The following ZNF670 variants were observed in gnomAD, a reference collection of about 807,000 sequenced individuals.
ZNF670 encodes zinc finger protein 670.
ZNF670 carries 7 observed loss-of-function variants against 10.9 expected under a neutral mutation model. The observed-to-expected ratio is 0.64, with a 90% CI of 0.36 to 1.20. The LOEUF is 1.20. Among genes scored for constraint, ZNF670 ranks in the 50% most tolerant of loss-of-function variants. The pLI, the probability that ZNF670 is intolerant of heterozygous loss-of-function variation, is 0.02. For missense variants in ZNF670, 446 were observed against 458.6 expected (o/e 0.97, Z 0.25); for synonymous variants, 136 against 152.7 (o/e 0.89, Z 0.81).
rs755187559 is a variant in ZNF670 at position 247,037,856 on chromosome 1, A to T, written c.763T>A (p.Cys255Ser). ...RSHTGEKPYECKECGKAFSRS... is the reference protein window; with the variant it reads ...RSHTGEKPYESKECGKAFSRS... Reference sequence around the variant, plus strand: ...CTGAAGGCTTTGCCACATTCCTTACATTCATAGGGTTTCTCTCCAGTATGA... The same window carrying T: ...CTGAAGGCTTTGCCACATTCCTTACTTTCATAGGGTTTCTCTCCAGTATGA... The change falls in exon 4 of 4, where the codon TGT becomes AGT. Residue 255 changes from cysteine (C) to serine (S), a missense_variant. Physicochemically the swap from Cys to Ser is moderately radical, Grantham distance 112. Transcript: ENST00000366503. 1.2e-6 allele frequency: 2 copies of T among 1,613,486 alleles called. No homozygotes were observed. Among genetic ancestry groups the T allele is most frequent in the Non-Finnish European group, 1.7e-6 (2 of 1,179,874 alleles).
At chr1:247,074,000 G>C (rs776554714) in intron 1 of ZNF670, among the ~76,000 whole-genome samples, 13 of 152,320 alleles carry the variant, frequency 8.5e-5, no homozygotes, top group East Asian at 1.9e-4. Context: ...AGCAGGGGAA[G>C]ATGGGGTGAG....
At chr1:247,067,483 G>A (rs1208272895) in intron 1 of ZNF670, among the ~76,000 whole-genome samples, 1 of 148,680 alleles carries the variant, frequency 6.7e-6, no homozygotes, top group Non-Finnish European at 1.5e-5. Context: ...TGAGTTCACA[G>A]GTAGTTCCCC....
rs1364194015 is a variant in ZNF670, at chr1:247,038,380, T to C, written c.239A>G (p.Tyr80Cys). The C allele has an allele frequency of 1.9e-6, 3 of 1,613,714 alleles. No homozygotes were observed. Among genetic ancestry groups the C allele is most frequent in the East Asian group, 2.2e-5 (1 of 44,882 alleles). ...RLFEIKEGSQ[Y>C]GETFSQDSNL... Reference sequence around the variant, plus strand: ...TGAATCCTGGCTGAAGGTTTCTCCATATTGACTGCCTTCTTTAATTTCAAA... The same window carrying C: ...TGAATCCTGGCTGAAGGTTTCTCCACATTGACTGCCTTCTTTAATTTCAAA... The change falls in exon 4 of 4, where the codon TAT becomes TGT. Residue 80 changes from tyrosine to cysteine, a missense_variant. Physicochemically the swap from Tyr to Cys is radical, Grantham distance 194. Transcript: ENST00000366503.
Position 247,078,758 on chromosome 1 carries a change from A to C in ZNF670, c.-162T>G. On this transcript the variant is annotated 5_prime_UTR_variant, in exon 1 of 4. Coordinates refer to ENST00000366503, the MANE Select transcript of ZNF670 (RefSeq NM_033213.5). Reference sequence around the variant, plus strand: ...GCCACATTCGCGCTGCCCAACACAAAAGCCGCGCCAGGTCCCGGAAGCTGC... The same window carrying C: ...GCCACATTCGCGCTGCCCAACACAACAGCCGCGCCAGGTCCCGGAAGCTGC... The C allele has an allele frequency of 2.3e-5, 16 of 705,274 alleles. No individual in the cohort carries two copies. Among genetic ancestry groups the C allele is most frequent in the South Asian group, 3.9e-5 (2 of 51,772 alleles). 43.7% of individuals were successfully genotyped at this position (705,274 alleles called of 1,614,324 possible). A position where few individuals can be genotyped will look rare whatever the true frequency, so the allele number is the denominator to read the frequency against.
At chr1:247,048,813 C>A (rs1207471406) in intron 1 of ZNF670, among the ~76,000 whole-genome samples, 1 of 152,176 alleles carries the variant, frequency 6.6e-6, no homozygotes. Flanking sequence ...CTCATCAAAC[C>A]ATCAGATTTC....
At chr1:247,054,858 T>C (rs1255803520) in intron 1 of ZNF670, among the ~76,000 whole-genome samples, 2 of 152,170 alleles carry the variant, frequency 1.3e-5, no homozygotes, top group Non-Finnish European at 2.9e-5. Context: ...TTGCAAGCCT[T>C]CTTGTAACCT....
rs1670179434 is a variant in ZNF670, at chr1:247,037,250, A to G, written c.*199T>C. 3.9e-6 allele frequency: 2 copies of G among 517,730 alleles called. No individual in the cohort carries two copies. The highest frequency in any genetic ancestry group is 7.5e-5 in the Admixed American group (2 of 26,500). The allele number at this position is 517,730 out of a possible 1,614,324, so 32.1% of individuals were successfully genotyped here. A position where few individuals can be genotyped will look rare whatever the true frequency, so the allele number is the denominator to read the frequency against. ...TCTAACACATTTTTCGTATTTTATG[A>G]CGTTCTTTCCCAGGACGGGTCCTTC... On this transcript the variant is annotated 3_prime_UTR_variant, in exon 4 of 4. Transcript: ENST00000366503.
intron 1 of ZNF670, among the ~76,000 whole-genome samples, chr1:247,060,105 C>T (rs1261123941): frequency 6.6e-6 from 1 of 152,056 alleles, no homozygotes; most frequent in Non-Finnish European, 1.5e-5. Context: ...CCTAACAAGT[C>T]ATGTTATTTT....
chr1:247,077,132 G>T lies in ZNF670; in HGVS notation c.3+1462C>A, dbSNP rs574295348. Reference sequence around the variant, plus strand: ...TTCCCTTAATACCAGCATCTGACTGGCTGCCACCAACGTGTCTCCAAGGAA... The same window carrying T: ...TTCCCTTAATACCAGCATCTGACTGTCTGCCACCAACGTGTCTCCAAGGAA... On this transcript the variant is annotated intron_variant, in intron 1 of 3. Coordinates refer to ENST00000366503, the MANE Select transcript of ZNF670 (RefSeq NM_033213.5). Among the ~76,000 whole-genome samples, 12 of 152,356 alleles carry T rather than the reference G, an allele frequency of 7.9e-5. No individual in the cohort carries two copies. The South Asian group carries it at 2.3e-3, about 29-fold the overall frequency.
At chr1:247,063,687 T>C (rs376915965) in intron 1 of ZNF670, among the ~76,000 whole-genome samples, 20 of 150,292 alleles carry the variant, frequency 1.3e-4, no homozygotes, top group Non-Finnish European at 2.8e-4. Context: ...CTGTTTTTCA[T>C]ACATCTTGAA....
At chr1:247,064,543 T>A (rs1172372285) in intron 1 of ZNF670, among the ~76,000 whole-genome samples, 1 of 152,052 alleles carries the variant, frequency 6.6e-6, no homozygotes, top group African/African-American at 2.4e-5. Context: ...CTTTAAAGAG[T>A]TCCACTGTTG....
chr1:247,050,733 C>A (rs1250869108), intron 1 of ZNF670, among the ~76,000 whole-genome samples: 1 of 151,964 alleles, frequency 6.6e-6, no homozygotes, highest in Non-Finnish European at 1.5e-5. Flanking sequence ...TTCGGCCTCC[C>A]AAAGTGTTGG....
At position 247,078,776 on chromosome 1, in the gene ZNF670, G is replaced by A. The variant is rs1671319069; in HGVS notation, c.-180C>T. Reference sequence around the variant, plus strand: ...AACACAAAAGCCGCGCCAGGTCCCGGAAGCTGCTCCCTCCTTTCGCGGCGC... The same window carrying A: ...AACACAAAAGCCGCGCCAGGTCCCGAAAGCTGCTCCCTCCTTTCGCGGCGC... On this transcript the variant is annotated 5_prime_UTR_variant, in exon 1 of 4. Transcript: ENST00000366503. 1.5e-6 allele frequency: 1 copy of A among 646,562 alleles called. No individual in the cohort carries two copies. The highest frequency in any genetic ancestry group is 1.9e-5 in the African/African-American group (1 of 53,796). The allele number at this position is 646,562 out of a possible 1,614,324, so 40.1% of individuals were successfully genotyped here. A position where few individuals can be genotyped will look rare whatever the true frequency, so the allele number is the denominator to read the frequency against.
At chr1:247,049,919 A>G (rs910487133) in intron 1 of ZNF670, among the ~76,000 whole-genome samples, 2 of 152,194 alleles carry the variant, frequency 1.3e-5, no homozygotes, top group African/African-American at 4.8e-5. Flanking sequence ...TCTTAAATTT[A>G]TTGAGACTTG....
intron 1 of ZNF670, among the ~76,000 whole-genome samples, chr1:247,046,631 AG>A (rs1670456420): frequency 6.6e-6 from 1 of 152,212 alleles, no homozygotes; most frequent in African/African-American, 2.4e-5. Context: ...GGAACCCCAC[AG>A]GCAGCCTCTA....
At chr1:247,062,767 T>C (rs1054066175) in intron 1 of ZNF670, among the ~76,000 whole-genome samples, 4 of 152,220 alleles carry the variant, frequency 2.6e-5, no homozygotes, top group African/African-American at 9.6e-5. Context: ...GCATTTTAGA[T>C]GAAGGGTCTA....
rs546227074 is a variant in ZNF670 at position 247,052,407 on chromosome 1, T to TG, written c.4-12871dup. Among the ~76,000 whole-genome samples, 822 of 152,254 alleles carry TG rather than the reference T, an allele frequency of 5.4e-3. 5 individuals carry two copies. The highest frequency in any genetic ancestry group is 8.3e-3 in the Non-Finnish European group (567 of 68,014). Reference sequence around the variant, plus strand: ...GAGGTGCTGGACTCTGGGCTGGTACTGGGGAGTGTCTGCAAAGAGTCCTGT... The same window carrying TG: ...GAGGTGCTGGACTCTGGGCTGGTACTGGGGGAGTGTCTGCAAAGAGTCCTGT... On this transcript the variant is annotated intron_variant, in intron 1 of 3. Transcript: ENST00000366503.
At chr1:247,051,782 A>ATTTTTTT (rs58493948) in intron 1 of ZNF670, among the ~76,000 whole-genome samples, 2 of 138,216 alleles carry the variant, frequency 1.4e-5, no homozygotes, top group Admixed American at 7.4e-5. Flanking sequence ...TTCTTTTTTC[A>ATTTTTTT]TTTTTTTTTT....
chr1:247,054,104 C>T (rs941947601), intron 1 of ZNF670, among the ~76,000 whole-genome samples: 3 of 152,196 alleles, frequency 2.0e-5, no homozygotes, highest in African/African-American at 7.2e-5. Context: ...CAGCTAACTT[C>T]AGCAGAGGAA....
Sources: gnomAD v4.1 joint callset for allele counts (sites outside exome capture counted in the v4.1 genomes callset) on GRCh38, gnomAD v4.1.1 for gene constraint, MANE v1.5 for transcripts, NCBI Gene and HGNC (gene_info 2026-07-23, HGNC 2026-07-21) for gene names.